Variants in GSK3B observed in about 807,000 individuals in gnomAD.
GSK3B encodes the protein glycogen synthase kinase-3 beta.
Under a neutral mutation model 56.4 loss-of-function variants are expected in GSK3B, and 15 were observed. The observed-to-expected ratio is 0.27, with a 90% CI of 0.18 to 0.41. The LOEUF (loss-of-function observed/expected upper bound fraction) is 0.41. Ranked by LOEUF, GSK3B falls within the 10% of genes least tolerant of loss-of-function variation. The probability of loss-of-function intolerance (pLI) is 1.00; values close to 1 mark genes in which losing one functional copy is unlikely to be tolerated. For missense variants in GSK3B, 300 were observed against 513.4 expected (o/e 0.58, Z 4.02); for synonymous variants, 181 against 188.9 (o/e 0.96, Z 0.34).
chr3:119,959,438 T>C (rs1410563151), intron 2 of GSK3B, among the ~76,000 whole-genome samples: 3 of 152,148 alleles, frequency 2.0e-5, no homozygotes, highest in African/African-American at 2.4e-5. Context: ...ATGTCAGCTG[T>C]TGGCAATTCC....
chr3:120,038,166 C>G (rs1870931), intron 1 of GSK3B, among the ~76,000 whole-genome samples: 36,958 of 152,100 alleles, frequency 0.24, 4,933 homozygotes, highest in East Asian at 0.49. Context: ...CAACATGTTA[C>G]TTCCTCCTAA....
intron 1 of GSK3B, among the ~76,000 whole-genome samples, chr3:120,018,114 C>G (rs1446113789): frequency 1.3e-5 from 2 of 152,146 alleles, no homozygotes; most frequent in Non-Finnish European, 2.9e-5. Context: ...TTTAAAAGCA[C>G]AGTTAGACCC....
intron 2 of GSK3B, among the ~76,000 whole-genome samples, chr3:119,974,885 G>A (rs77474580): frequency 0.026 from 3,944 of 152,164 alleles, 174 homozygotes; most frequent in African/African-American, 0.089. Flanking sequence ...GTGGGAATAC[G>A]AAATTATTTT....
intron 1 of GSK3B, among the ~76,000 whole-genome samples, chr3:120,013,070 A>T (rs1193095518): frequency 2.6e-5 from 4 of 152,104 alleles, no homozygotes; most frequent in Admixed American, 2.6e-4. Flanking sequence ...ATCTCCTAAA[A>T]ACAGGATTGT....
Position 120,093,399 on chromosome 3 carries a change from C to T in GSK3B, c.36G>A (p.Glu12=). 1 of 1,613,902 alleles carries T rather than the reference C, an allele frequency of 6.2e-7. No individual in the cohort carries two copies. Among genetic ancestry groups the T allele is most frequent in the Non-Finnish European group, 8.5e-7 (1 of 1,179,798 alleles). The part of the protein sequence containing the change: ...SGRPRTTSFA[E]SCKPVQQPSA... ...AAGGCTGCTGCACCGGCTTGCAGCT[C>T]TCCGCAAAGGAGGTGGTTCTGGGCC... The change falls in exon 1 of 11, where the codon GAG becomes GAA. Residue 12 remains glutamate, a synonymous_variant. Coordinates refer to ENST00000264235, the MANE Select transcript of GSK3B (RefSeq NM_001146156.2).
intron 1 of GSK3B, among the ~76,000 whole-genome samples, chr3:120,071,597 T>C (rs1576309563): frequency 1.3e-5 from 2 of 152,330 alleles, no homozygotes; most frequent in African/African-American, 4.8e-5. Flanking sequence ...GAGAATCTAC[T>C]GCCTGATAAT....
intron 8 of GSK3B, among the ~76,000 whole-genome samples, chr3:119,872,831 A>G (rs987928419): frequency 2.6e-5 from 4 of 152,186 alleles, no homozygotes; most frequent in African/African-American, 9.6e-5. Flanking sequence ...CATAAACATT[A>G]GGAGCAGTGT....
rs950760740 is a variant in GSK3B, at chr3:119,826,467, A to G, written c.*321T>C. ...GGCATGAGGCAGGAGTCCTGTTTTT[A>G]AAGTATACAACAGCAGACTTTTAAT... On this transcript the variant is annotated 3_prime_UTR_variant, in exon 11 of 11. Coordinates refer to ENST00000264235, the MANE Select transcript of GSK3B (RefSeq NM_001146156.2). 2.7e-5 allele frequency: 13 copies of G among 475,264 alleles called. No homozygotes were observed. In the Admixed American group the frequency reaches 3.0e-4, roughly 11 times the overall value. 29.4% of individuals were successfully genotyped at this position (475,264 alleles called of 1,614,324 possible). A position where few individuals can be genotyped will look rare whatever the true frequency, so the allele number is the denominator to read the frequency against.
intron 7 of GSK3B, among the ~76,000 whole-genome samples, chr3:119,889,859 G>A (rs903056646): frequency 1.3e-5 from 2 of 152,002 alleles, no homozygotes; most frequent in African/African-American, 4.8e-5. Flanking sequence ...GTTATACCAT[G>A]CAAAATCATA....
At chr3:119,933,890 A>G (rs558641896) in intron 3 of GSK3B, among the ~76,000 whole-genome samples, 1 of 152,284 alleles carries the variant, frequency 6.6e-6, no homozygotes, top group South Asian at 2.1e-4. Context: ...AATAATAACC[A>G]TAATAATAAA....
At chr3:119,979,945 G>T (rs1261830418) in intron 2 of GSK3B, among the ~76,000 whole-genome samples, 2 of 151,932 alleles carry the variant, frequency 1.3e-5, no homozygotes, top group African/African-American at 4.8e-5. Flanking sequence ...GTTCTTCAAG[G>T]GCCTCACCTG....
At chr3:119,939,877 A>G (rs2057030766) in intron 3 of GSK3B, among the ~76,000 whole-genome samples, 1 of 152,094 alleles carries the variant, frequency 6.6e-6, no homozygotes, top group Non-Finnish European at 1.5e-5. Context: ...GAGGCTCTAG[A>G]GTTCATCAGG....
intron 3 of GSK3B, among the ~76,000 whole-genome samples, chr3:119,929,289 TAGAA>T (rs1403296550): frequency 2.0e-5 from 3 of 152,204 alleles, no homozygotes; most frequent in African/African-American, 4.8e-5. Flanking sequence ...TCTCAGGTAT[TAGAA>T]AGGTCATTAA....
In GSK3B at chr3:119,823,098, C is replaced by T; in HGVS notation, c.*3690G>A. On this transcript the variant is annotated 3_prime_UTR_variant, in exon 11 of 11. Transcript: ENST00000264235. ...CTGGAAAGAAGGTGCAGTCTTCTGC[C>T]TTGCTGGAATGAACACACGATGTTT... 2 of 229,536 alleles carry T rather than the reference C, an allele frequency of 8.7e-6. No individual in the cohort carries two copies. Among genetic ancestry groups the T allele is most frequent in the Non-Finnish European group, 1.7e-5 (2 of 115,806 alleles). The allele number at this position is 229,536 out of a possible 1,614,324, so 14.2% of individuals were successfully genotyped here. A position where few individuals can be genotyped will look rare whatever the true frequency, so the allele number is the denominator to read the frequency against.
chr3:120,044,624 T>C (rs1576292930), intron 1 of GSK3B, among the ~76,000 whole-genome samples: 1 of 152,336 alleles, frequency 6.6e-6, no homozygotes, highest in East Asian at 1.9e-4. Flanking sequence ...CTGCAGGATT[T>C]GAATCATTGC....
chr3:120,024,700 T>C (rs1159123086), intron 1 of GSK3B, among the ~76,000 whole-genome samples: 1 of 152,086 alleles, frequency 6.6e-6, no homozygotes, highest in Non-Finnish European at 1.5e-5. Context: ...CAAAAGAGAA[T>C]GGTGGGGTAC....
At chr3:119,840,708 A>G (rs763222250) in intron 10 of GSK3B, among the ~76,000 whole-genome samples, 3 of 152,218 alleles carry the variant, frequency 2.0e-5, no homozygotes, top group Non-Finnish European at 4.4e-5. Flanking sequence ...CTGCAGCGCC[A>G]TAGAAAACTG....
At chr3:119,984,395 TAAA>T (rs36165954) in intron 2 of GSK3B, among the ~76,000 whole-genome samples, 1 of 142,004 alleles carries the variant, frequency 7.0e-6, no homozygotes, top group East Asian at 2.0e-4. Context: ...AGAAAAACCT[TAAA>T]AAAAAAAAAA....
intron 2 of GSK3B, among the ~76,000 whole-genome samples, chr3:119,993,766 C>T (rs1576255374): frequency 1.3e-5 from 2 of 151,944 alleles, no homozygotes; most frequent in African/African-American, 4.9e-5. Flanking sequence ...GAAAGAAATA[C>T]AGAAAAAAAC....
Sources: gnomAD v4.1 joint callset for allele counts (sites outside exome capture counted in the v4.1 genomes callset) on GRCh38, gnomAD v4.1.1 for gene constraint, MANE v1.5 for transcripts, NCBI Gene and HGNC (gene_info 2026-07-23, HGNC 2026-07-21) for gene names.